The following SCFD1 variants were observed in gnomAD, a reference collection of about 807,000 sequenced individuals.
SCFD1 encodes the protein sec1 family domain-containing protein 1.
In SCFD1, 37 loss-of-function variants were observed where a neutral mutation model predicts 103.2. The ratio of observed to expected loss-of-function variants is 0.36; its 90% CI spans 0.28 to 0.47. SCFD1 has a LOEUF of 0.47. SCFD1 is among the 20% of genes least tolerant of loss of function. The pLI, the probability that SCFD1 is intolerant of heterozygous loss-of-function variation, is 1.00. For missense variants in SCFD1, 639 were observed against 761.2 expected (o/e 0.84, Z 1.89); for synonymous variants, 264 against 245.0 (o/e 1.08, Z -0.73).
chr14:30,705,658 G>A (rs1014243244), intron 17 of SCFD1, among the ~76,000 whole-genome samples, 165 bp from the exon 18 acceptor site: 1 of 152,050 alleles, frequency 6.6e-6, no homozygotes, highest in African/African-American at 2.4e-5. Flanking sequence ...TAATAATTCA[G>A]TGTTTTAGTA....
At chr14:30,716,919 C>T (rs569395057) in intron 20 of SCFD1, among the ~76,000 whole-genome samples, 1 of 152,296 alleles carries the variant, frequency 6.6e-6, no homozygotes, top group Non-Finnish European at 1.5e-5. Context: ...GGATTGGATT[C>T]TTCCATCTGG....
chr14:30,632,441 T>C (rs942478974), intron 3 of SCFD1, among the ~76,000 whole-genome samples: 7 of 152,178 alleles, frequency 4.6e-5, no homozygotes, highest in African/African-American at 9.6e-5. Context: ...CAGTAGTATA[T>C]AAAATATATT....
At chr14:30,626,296 A>C (rs1031975444) in intron 1 of SCFD1, among the ~76,000 whole-genome samples, 1 of 152,126 alleles carries the variant, frequency 6.6e-6, no homozygotes. Flanking sequence ...ACCAAAAATT[A>C]TGTCTGTAGG....
At chr14:30,722,262 A>G (rs1056799757) in intron 22 of SCFD1, among the ~76,000 whole-genome samples, 2 of 152,140 alleles carry the variant, frequency 1.3e-5, no homozygotes, top group South Asian at 2.1e-4. Flanking sequence ...AATAACATAT[A>G]TTGGAAATTA....
chr14:30,716,065 T>A, intron 20 of SCFD1, 88 bp downstream of exon 20: 2 of 783,934 alleles, frequency 2.6e-6, no homozygotes, highest in South Asian at 1.6e-5. Context: ...TTGAGTTCCT[T>A]GTGAGCTTAA....
At position 30,720,520 on chromosome 14, in the gene SCFD1, C is replaced by T. The variant is rs185766000; in HGVS notation, c.1736+1143C>T. ...AGTTAGCCCTCAATATGCGTGGGTTCCTCATCCATGGGTTCAACCAATCAG... is the reference window on the plus strand; with the variant it reads ...AGTTAGCCCTCAATATGCGTGGGTTTCTCATCCATGGGTTCAACCAATCAG... On this transcript the variant is annotated intron_variant, in intron 21 of 24. Coordinates refer to ENST00000458591, the MANE Select transcript of SCFD1 (RefSeq NM_016106.4). 2.4e-4 allele frequency among the ~76,000 whole-genome samples: 36 copies of T among 152,214 alleles called. No homozygotes were observed. In the South Asian group the frequency reaches 2.5e-3, roughly 11 times the overall value.
At chr14:30,655,762 C>T (rs556626796) in intron 10 of SCFD1, among the ~76,000 whole-genome samples, 4 of 152,242 alleles carry the variant, frequency 2.6e-5, no homozygotes, top group East Asian at 1.9e-4. Context: ...AATGGCAAGA[C>T]GTTGTTGTTT....
intron 3 of SCFD1, among the ~76,000 whole-genome samples, chr14:30,632,293 A>G (rs540673850): frequency 2.0e-5 from 3 of 152,142 alleles, no homozygotes; most frequent in Non-Finnish European, 4.4e-5. Context: ...AATCAGCTCA[A>G]ATTCTTCAGT....
At chr14:30,674,085 AGTAGGAAACT>A (rs1318030306) in intron 13 of SCFD1, 88 bp downstream of exon 13, 1 of 868,734 alleles carries the variant, frequency 1.2e-6, no homozygotes. Flanking sequence ...GTTTTTAACT[AGTAGGAAACT>A]GTAGGCAATA....
intron 14 of SCFD1, among the ~76,000 whole-genome samples, chr14:30,691,932 C>CTTTATTTATTTATTTATTTA (rs10639442): frequency 4.2e-4 from 60 of 143,242 alleles, no homozygotes; most frequent in Admixed American, 1.5e-3. Flanking sequence ...ATTTAGCATA[C>CTTTATTTATTTATTTATTTA]TTTATTTATT....
At chr14:30,630,957 C>A (rs1884049732) in intron 3 of SCFD1, 1 of 176,658 alleles carries the variant, frequency 5.7e-6, no homozygotes, top group South Asian at 1.3e-4. Context: ...ATTTAATACA[C>A]CTAACCTACC....
At chr14:30,722,464 T>C (rs373083941) in intron 22 of SCFD1, 30 bp from the exon 23 acceptor site, 1 of 1,480,722 alleles carries the variant, frequency 6.8e-7, no homozygotes, top group Non-Finnish European at 9.2e-7. Flanking sequence ...AAAACTGTGT[T>C]TTTTTTTTTT....
rs534756177 is a variant in SCFD1 at position 30,724,801 on chromosome 14, G to A, written c.1836+2242G>A. Among the ~76,000 whole-genome samples, 422 of 152,182 alleles carry A rather than the reference G, an allele frequency of 2.8e-3. 9 individuals carry two copies. Among genetic ancestry groups the A allele is most frequent in the Non-Finnish European group, 3.5e-3 (235 of 68,014 alleles). On this transcript the variant is annotated intron_variant, in intron 23 of 24. Transcript: ENST00000458591. ...ATGATATTGCCTAGGTTGTCTTCCA[G>A]GGTTTTTATAGTTTTGGGTTTAACA...
chr14:30,683,233 GA>G, intron 14 of SCFD1: 1 of 1,103,512 alleles, frequency 9.1e-7, no homozygotes, highest in Non-Finnish European at 1.3e-6. Context: ...ATACAGGGCA[GA>G]CCACTTGTCC....
intron 19 of SCFD1, among the ~76,000 whole-genome samples, chr14:30,712,612 C>T (rs1396637294): frequency 6.6e-6 from 1 of 151,976 alleles, no homozygotes; most frequent in Admixed American, 6.6e-5. Flanking sequence ...AATCATAAAA[C>T]ACGACTAAAG....
At chr14:30,663,589 G>A (rs561044880) in intron 10 of SCFD1, among the ~76,000 whole-genome samples, 54 of 152,226 alleles carry the variant, frequency 3.5e-4, no homozygotes, top group African/African-American at 1.1e-3. Context: ...CTAAACTTTC[G>A]TCATTCCAAC....
chr14:30,664,623 T>A lies in SCFD1; in HGVS notation c.856-5633T>A, dbSNP rs1887760664. ...AGCTGAAGGAGGATGTTTGAACCGG[T>A]CACAAGGAAGCTAAAAACCTTGAAA... On this transcript the variant is annotated intron_variant, in intron 10 of 24. Transcript: ENST00000458591. Among the ~76,000 whole-genome samples the A allele has an allele frequency of 3.3e-5, 5 of 151,992 alleles. 1 individual carries two copies. The South Asian group carries it at 6.2e-4, about 19-fold the overall frequency.
rs1361287376 is a variant in SCFD1, at chr14:30,671,362, C to A, written c.995+967C>A. On this transcript the variant is annotated intron_variant, in intron 11 of 24. Coordinates refer to ENST00000458591, the MANE Select transcript of SCFD1 (RefSeq NM_016106.4). ...AATAAATTTGATTTTAAATAATACT[C>A]TTCCCTTTGGAATTCCATAATCTAC... is the stretch of plus-strand genomic sequence containing the variant. Among the ~76,000 whole-genome samples, 11 of 152,070 alleles carry A rather than the reference C, an allele frequency of 7.2e-5. No individual in the cohort carries two copies. In the East Asian group the frequency reaches 2.1e-3, roughly 29 times the overall value.
chr14:30,674,133 T>A, intron 13 of SCFD1, 136 bp downstream of exon 13: 1 of 626,258 alleles, frequency 1.6e-6, no homozygotes, highest in Non-Finnish European at 2.7e-6. Flanking sequence ...TTTAAAGAAC[T>A]AAATTGTATT....
Sources: gnomAD v4.1 joint callset for allele counts (sites outside exome capture counted in the v4.1 genomes callset) on GRCh38, gnomAD v4.1.1 for gene constraint, MANE v1.5 for transcripts, NCBI Gene and HGNC (gene_info 2026-07-23, HGNC 2026-07-21) for gene names.